KIF24: variants seen among roughly 807,000 people sequenced by gnomAD.
The protein encoded by KIF24 is kinesin family member 24.
Under a neutral mutation model 118.9 loss-of-function variants are expected in KIF24, and 81 were observed. The observed-to-expected ratio is 0.68, with a 90% CI of 0.57 to 0.82. The LOEUF (loss-of-function observed/expected upper bound fraction) is 0.82. Among genes scored for constraint, KIF24 ranks in the 40% least tolerant of loss-of-function variants. The probability of loss-of-function intolerance (pLI) is 0.00; values close to 1 mark genes in which losing one functional copy is unlikely to be tolerated. For missense variants in KIF24, 1,560 were observed against 1,661.6 expected (o/e 0.94, Z 1.06); for synonymous variants, 599 against 610.0 (o/e 0.98, Z 0.27).
chr9:34,315,010 G>A (rs1042379845), intron 1 of KIF24, among the ~76,000 whole-genome samples: 5 of 152,118 alleles, frequency 3.3e-5, no homozygotes, highest in Non-Finnish European at 7.4e-5. Context: ...CAATAATAGT[G>A]GTCTTGAGGA....
rs575467777 is a variant in KIF24 at position 34,302,490 on chromosome 9, G to C, written c.813+3762C>G. ...GGCAATTTTTTTTTTTTTTGAGACA[G>C]AGTCTCACTCTGTTGCCCAGGCTGG... On this transcript the variant is annotated intron_variant, in intron 3 of 12. Transcript: ENST00000402558. Among the ~76,000 whole-genome samples the C allele has an allele frequency of 9.5e-5, 14 of 147,896 alleles. No individual in the cohort carries two copies. The South Asian group carries it at 3.0e-3, about 32-fold the overall frequency.
At chr9:34,293,392 A>G (rs1836328983) in intron 4 of KIF24, among the ~76,000 whole-genome samples, 1 of 151,408 alleles carries the variant, frequency 6.6e-6, no homozygotes, top group African/African-American at 2.4e-5. Context: ...AGGCACGAGA[A>G]TAGCCTGAGC....
chr9:34,332,482 A>G (rs1357987328), upstream of KIF24, among the ~76,000 whole-genome samples: 3 of 152,172 alleles, frequency 2.0e-5, no homozygotes, highest in East Asian at 1.9e-4. Flanking sequence ...CTATCTGTCA[A>G]TCCTTCACAC....
chr9:34,302,002 T>TC, intron 3 of KIF24, among the ~76,000 whole-genome samples: 1 of 147,466 alleles, frequency 6.8e-6, no homozygotes, highest in East Asian at 2.0e-4. Flanking sequence ...TTTTTCTTTT[T>TC]TTTTTTTTTT....
intron 1 of KIF24, chr9:34,319,764 TG>T: frequency 1.7e-6 from 1 of 599,592 alleles, no homozygotes; most frequent in Non-Finnish European, 3.1e-6. Flanking sequence ...ACTCCATGGG[TG>T]GGGGTGGACA....
chr9:34,300,850 C>CAAAAAAAAAAA (rs57919845), intron 3 of KIF24, among the ~76,000 whole-genome samples: 9 of 105,626 alleles, frequency 8.5e-5, no homozygotes, highest in African/African-American at 1.2e-4. Flanking sequence ...CGGCATTTCT[C>CAAAAAAAAAAA]AAAAAAAAAA....
At chr9:34,321,176 A>G (rs1172758504) in intron 1 of KIF24, among the ~76,000 whole-genome samples, 2 of 152,204 alleles carry the variant, frequency 1.3e-5, no homozygotes, top group Non-Finnish European at 2.9e-5. Context: ...TTGAACAGGG[A>G]GCAAAATACC....
At chr9:34,260,460 G>C (rs1360921711) in intron 9 of KIF24, among the ~76,000 whole-genome samples, 1 of 152,132 alleles carries the variant, frequency 6.6e-6, no homozygotes, top group Non-Finnish European at 1.5e-5. Context: ...AGGGAAAAAG[G>C]TGTATGACTC....
At position 34,257,640 on chromosome 9, in the gene KIF24, T is replaced by C. The variant is rs115414847; in HGVS notation, c.1967A>G (p.His656Arg). 7 of 1,614,074 alleles carry C rather than the reference T, an allele frequency of 4.3e-6. No individual in the cohort carries two copies. In the African/African-American group the frequency reaches 8.0e-5, roughly 18 times the overall value. ...CTCTTCTGGCTTTTTTTTGGCCACA[T>C]GTCCAGAGCGCACAGTTCCTTTCAC... ...SPVKGTVRSG[H>R]VAKKKPEESA... Residue 656 changes from histidine (H) to arginine (R), a missense_variant, in exon 11 of 13, where the codon CAT (histidine) becomes CGT (arginine). His to Arg is a conservative substitution (Grantham distance 29). This residue lies in a region of KIF24 where 964 missense variants were observed against 988.0 expected (regional missense o/e 0.98). Coordinates refer to ENST00000402558, the MANE Select transcript of KIF24 (RefSeq NM_194313.4).
intron 6 of KIF24, among the ~76,000 whole-genome samples, chr9:34,283,141 A>G (rs1281183090): frequency 6.7e-6 from 1 of 150,158 alleles, no homozygotes; most frequent in East Asian, 2.0e-4. Flanking sequence ...TCAAGGTGAG[A>G]GGATTGCTTG....
chr9:34,317,700 T>C (rs1267257284), intron 1 of KIF24, among the ~76,000 whole-genome samples: 2 of 152,232 alleles, frequency 1.3e-5, no homozygotes, highest in Non-Finnish European at 2.9e-5. Context: ...AGTAGCCATT[T>C]TGGTTACCAG....
intron 9 of KIF24, among the ~76,000 whole-genome samples, chr9:34,260,033 C>G (rs183243948): frequency 2.9e-4 from 44 of 152,192 alleles, no homozygotes; most frequent in Non-Finnish European, 6.2e-4. Context: ...ACAAGCTTTC[C>G]AGAGGGCAGT....
chr9:34,312,140 G>A (rs1837191272), intron 1 of KIF24, among the ~76,000 whole-genome samples: 1 of 152,170 alleles, frequency 6.6e-6, no homozygotes, highest in Admixed American at 6.6e-5. Flanking sequence ...TTAAATAGAA[G>A]TAAAGACATC....
chr9:34,278,417 A>C (rs1835732489), intron 6 of KIF24, among the ~76,000 whole-genome samples: 2 of 152,128 alleles, frequency 1.3e-5, no homozygotes, highest in African/African-American at 4.8e-5. Context: ...CTCAAAAACA[A>C]AACAAAAAGA....
chr9:34,286,731 T>G (rs1836066541), intron 5 of KIF24, 27 bp from the exon 6 acceptor site: 1 of 1,493,998 alleles, frequency 6.7e-7, no homozygotes, highest in South Asian at 1.1e-5. Flanking sequence ...GTGGTTGGTA[T>G]GATGGTGCTA....
rs1455902215 is a variant in KIF24, at chr9:34,296,166, C to T, written c.911+851G>A. On this transcript the variant is annotated intron_variant, in intron 4 of 12. Coordinates refer to ENST00000402558, the MANE Select transcript of KIF24 (RefSeq NM_194313.4). ...CCCGGGAGGCAGAGCTTGCAGTGCA[C>T]CGAGGTGGCGCCACTGCACTCCAGC... Among the ~76,000 whole-genome samples the T allele has an allele frequency of 3.4e-5, 5 of 145,386 alleles. No homozygotes were observed. The East Asian group carries it at 1.0e-3, about 30-fold the overall frequency.
intron 2 of KIF24, among the ~76,000 whole-genome samples, chr9:34,310,423 A>C (rs1482621179): frequency 6.6e-6 from 1 of 152,144 alleles, no homozygotes; most frequent in African/African-American, 2.4e-5. Flanking sequence ...GATGTACTAG[A>C]TGTATCATGT....
At chr9:34,329,337 A>T (rs148520348), upstream of KIF24, among the ~76,000 whole-genome samples, 26 of 152,258 alleles carry the variant, frequency 1.7e-4, no homozygotes, top group African/African-American at 3.1e-4. Flanking sequence ...GAATCGGTTG[A>T]CGTTCGTTGA....
chr9:34,303,218 A>AT (rs1169050716), intron 3 of KIF24, among the ~76,000 whole-genome samples: 1 of 151,986 alleles, frequency 6.6e-6, no homozygotes, highest in Admixed American at 6.6e-5. Flanking sequence ...CCCAGCCTGT[A>AT]TTTTTTCTGA....
Sources: gnomAD v4.1 joint callset for allele counts (sites outside exome capture counted in the v4.1 genomes callset) on GRCh38, gnomAD v4.1.1 for gene constraint, gnomAD v4.1.1 regional missense constraint, MANE v1.5 for transcripts, NCBI Gene and HGNC (gene_info 2026-07-23, HGNC 2026-07-21) for gene names.